The following TRPM1 variants were observed in gnomAD, a reference collection of about 807,000 sequenced individuals.
The protein encoded by TRPM1 is TRPM1-203 APA Isoform, Intron 10.
TRPM1 carries 113 observed loss-of-function variants against 149.4 expected under a neutral mutation model. The observed-to-expected ratio is 0.76, with a 90% CI of 0.65 to 0.88. The LOEUF (loss-of-function observed/expected upper bound fraction) is 0.88, where lower values mean the gene tolerates loss of function less well. Among genes scored for constraint, TRPM1 ranks in the 40% least tolerant of loss-of-function variants. TRPM1 has a pLI of 0.00. For synonymous variants in TRPM1, 741 were observed against 759.5 expected, an observed-to-expected ratio of 0.98 and a Z score of 0.40; for missense variants, 1,976 against 2,038.7, an observed-to-expected ratio of 0.97 and a Z score of 0.59.
At chr15:31,113,019 G>A (rs528528453) in intron 1 of TRPM1, among the ~76,000 whole-genome samples, 4 of 152,168 alleles carry the variant, frequency 2.6e-5, no homozygotes, top group Non-Finnish European at 5.9e-5. Flanking sequence ...TAAGTGTTCC[G>A]TGTTGGAGCA....
intron 27 of TRPM1, among the ~76,000 whole-genome samples, chr15:31,019,525 C>A (rs779185125): frequency 5.3e-5 from 8 of 152,168 alleles, no homozygotes; most frequent in Non-Finnish European, 8.8e-5. Context: ...CCTCAGCCTC[C>A]CGAGTGGCTG....
chr15:31,052,901 T>G (rs1402090779), intron 11 of TRPM1, among the ~76,000 whole-genome samples: 2 of 152,064 alleles, frequency 1.3e-5, no homozygotes, highest in African/African-American at 4.8e-5. Context: ...AACGGAAAAA[T>G]TATTAATAAC....
intron 1 of TRPM1, among the ~76,000 whole-genome samples, chr15:31,094,420 A>G (rs2035323577): frequency 6.6e-6 from 1 of 152,234 alleles, no homozygotes; most frequent in Non-Finnish European, 1.5e-5. Context: ...AAGAAAGGAA[A>G]AAAACCCACA....
At chr15:31,064,484 T>C (rs550813816) in intron 7 of TRPM1, among the ~76,000 whole-genome samples, 4 of 152,236 alleles carry the variant, frequency 2.6e-5, no homozygotes, top group Non-Finnish European at 5.9e-5. Flanking sequence ...GGGAAGGAAA[T>C]GGGAGTGGAG....
At chr15:31,101,394 C>T (rs1179865738) in intron 1 of TRPM1, among the ~76,000 whole-genome samples, 2 of 152,192 alleles carry the variant, frequency 1.3e-5, no homozygotes, top group African/African-American at 4.8e-5. Flanking sequence ...AGGCTGAACA[C>T]AGGTTCACCA....
At chr15:31,083,452 C>T (rs550273789) in intron 1 of TRPM1, among the ~76,000 whole-genome samples, 11 of 152,288 alleles carry the variant, frequency 7.2e-5, no homozygotes, top group East Asian at 1.9e-4. Context: ...CAGGTGGCGG[C>T]GGGTTCCCAC....
At chr15:31,026,808 G>C in intron 26 of TRPM1, 107 bp downstream of exon 26, 1 of 1,176,530 alleles carries the variant, frequency 8.5e-7, no homozygotes. Context: ...ACTGAGTGTG[G>C]TGCTTTTCAC....
intron 16 of TRPM1, 24 bp downstream of exon 16, chr15:31,046,180 C>G (rs367801939): frequency 8.1e-6 from 13 of 1,610,844 alleles, no homozygotes; most frequent in Middle Eastern, 1.6e-4. Context: ...TATTATAAAA[C>G]TGTTGAAAAC....
chr15:31,050,973 G>C (rs7497346), intron 11 of TRPM1, among the ~76,000 whole-genome samples: 1 of 152,240 alleles, frequency 6.6e-6, no homozygotes, highest in Non-Finnish European at 1.5e-5. Context: ...AGGCACCAAA[G>C]ACATGTGTCC....
At position 31,001,616 on chromosome 15, in the gene TRPM1, T is replaced by C. The variant is rs185083296; in HGVS notation, c.*206A>G. ...TTCGTTACAGTATCATCACTTTCATTTGATACTACTGCAACTGAAAAAACT... is the reference window on the plus strand; with the variant it reads ...TTCGTTACAGTATCATCACTTTCATCTGATACTACTGCAACTGAAAAAACT... On this transcript the variant is annotated 3_prime_UTR_variant, in exon 28 of 28. Transcript: ENST00000256552. The C allele has an allele frequency of 9.4e-4, 582 of 616,026 alleles. 7 individuals carry two copies. The East Asian group carries it at 0.015, about 16-fold the overall frequency. 38.2% of individuals were successfully genotyped at this position (616,026 alleles called of 1,614,324 possible).
At chr15:31,036,468 C>T (rs1487444264) in intron 20 of TRPM1, among the ~76,000 whole-genome samples, 1 of 151,976 alleles carries the variant, frequency 6.6e-6, no homozygotes, top group Non-Finnish European at 1.5e-5. Flanking sequence ...GCCTCCCAAG[C>T]CTATAAGCTT....
Position 31,002,197 on chromosome 15 carries a change from G to A in TRPM1, c.4503C>T (p.Arg1501=), listed in dbSNP as rs1379733431. Residue 1501 remains arginine, a synonymous_variant, in exon 28 of 28, where the codon CGC becomes CGT. Coordinates refer to ENST00000256552, the MANE Select transcript of TRPM1 (RefSeq NM_001252024.2). ...EWQCQVQKIT[R]SHSTDIPYIV... ...TGTAAGGAATATCTGTGCTATGAGA[G>A]CGCGTGATCTTTTGAACTTGGCATT... 2 of 1,614,258 alleles carry A rather than the reference G, an allele frequency of 1.2e-6. No homozygotes were observed. Among genetic ancestry groups the A allele is most frequent in the Non-Finnish European group, 1.7e-6 (2 of 1,180,054 alleles).
chr15:31,121,067 A>C (rs2035870000), intron 1 of TRPM1, among the ~76,000 whole-genome samples: 1 of 152,054 alleles, frequency 6.6e-6, no homozygotes, highest in African/African-American at 2.4e-5. Flanking sequence ...TCTCTACTAA[A>C]AACACAAAAT....
rs962220734 is a variant in TRPM1, at chr15:31,088,878, C to T, written c.-83-7440G>A. Among the ~76,000 whole-genome samples, 48 of 152,236 alleles carry T rather than the reference C, an allele frequency of 3.2e-4. 1 individual carries two copies. In the East Asian group the frequency reaches 6.2e-3, roughly 20 times the overall value. On this transcript the variant is annotated intron_variant, in intron 1 of 27. Coordinates refer to ENST00000256552, the MANE Select transcript of TRPM1 (RefSeq NM_001252024.2). ...TGCTGCGGGTATTGACATTTGGCCC[C>T]CCCGAGCGGGAGATCAGTGTTTGCC... is the stretch of plus-strand genomic sequence containing the variant.
At chr15:31,130,501 A>G (rs2036003241) in intron 1 of TRPM1, among the ~76,000 whole-genome samples, 2 of 152,240 alleles carry the variant, frequency 1.3e-5, no homozygotes, top group East Asian at 1.9e-4. Flanking sequence ...TCGTAGGACT[A>G]ACAAATTAGC....
chr15:31,106,946 A>G (rs953390626), intron 1 of TRPM1, among the ~76,000 whole-genome samples: 6 of 152,156 alleles, frequency 3.9e-5, no homozygotes, highest in Non-Finnish European at 8.8e-5. Context: ...ACGTTGTTAC[A>G]CTTTTAGAAT....
chr15:31,113,299 A>AG (rs751605759), intron 1 of TRPM1, among the ~76,000 whole-genome samples: 12 of 152,166 alleles, frequency 7.9e-5, no homozygotes, highest in African/African-American at 2.9e-4. Context: ...CTAACTCTCC[A>AG]GGAAGAGTGC....
rs563362253 is a variant in TRPM1 at position 31,048,601 on chromosome 15, T to C, written c.1573-662A>G. Among the ~76,000 whole-genome samples the C allele has an allele frequency of 4.6e-5, 7 of 152,240 alleles. No individual in the cohort carries two copies. The South Asian group carries it at 8.3e-4, about 18-fold the overall frequency. ...CCAAGGGAGGTGGATCACTTGAGGC[T>C]AGGAGTTTGAGACCAACCTGGGCAA... On this transcript the variant is annotated intron_variant, in intron 13 of 27. Coordinates refer to ENST00000256552, the MANE Select transcript of TRPM1 (RefSeq NM_001252024.2).
chr15:31,065,093 C>T (rs745805078), intron 7 of TRPM1: 4 of 534,720 alleles, frequency 7.5e-6, no homozygotes, highest in Non-Finnish European at 7.7e-6. Flanking sequence ...GCTCAGAGCC[C>T]TAGGCGAAGG....
Sources: allele counts gnomAD v4.1 joint callset (sites outside exome capture counted in the v4.1 genomes callset), GRCh38; gene constraint gnomAD v4.1.1; transcripts MANE v1.5; gene names NCBI Gene and HGNC (gene_info 2026-07-23, HGNC 2026-07-21).